The following UBE3B variants were observed in gnomAD, a reference collection of about 807,000 sequenced individuals.
UBE3B encodes the protein ubiquitin protein ligase E3B, also known as ubiquitin-protein ligase E3B.
A neutral mutation model predicts 132.3 loss-of-function variants in UBE3B; 80 were observed. That is an observed-to-expected ratio of 0.60 (90% CI 0.50 to 0.73). The LOEUF (loss-of-function observed/expected upper bound fraction) is 0.73. UBE3B is among the 30% of genes least tolerant of loss of function. The pLI is 0.00. For missense variants in UBE3B, 1,196 were observed against 1,362.5 expected (o/e 0.88, Z 1.92); for synonymous variants, 487 against 520.4 (o/e 0.94, Z 0.87).
At chr12:109,490,817 G>GT (rs1877350222) in intron 8 of UBE3B, 21 of 1,261,126 alleles carry the variant, frequency 1.7e-5, no homozygotes, top group Middle Eastern at 2.9e-4. Context: ...TTGTTTTTTT[G>GT]TTTTTTTGTT....
chr12:109,486,577 TAACAAAAAAA>T lies in UBE3B; in HGVS notation c.447+5_447+14del. On this transcript the variant is annotated splice_donor_5th_base_variant and intron_variant, in intron 6 of 27. Transcript: ENST00000342494. ...TGTGATTTTCTCAAGCAGCTCAAGG[TAACAAAAAAA>T]AAAAAAAAAAAAAAAAGCAAAACCA... 2 of 657,006 alleles carry T rather than the reference TAACAAAAAAA, an allele frequency of 3.0e-6. No individual in the cohort carries two copies. Among genetic ancestry groups the T allele is most frequent in the Non-Finnish European group, 3.9e-6 (2 of 509,218 alleles). The allele number at this position is 657,006 out of a possible 1,614,324, so 40.7% of individuals were successfully genotyped here.
At position 109,524,509 on chromosome 12, in the gene UBE3B, T is replaced by G. The variant is rs1277472734; in HGVS notation, c.2568+6T>G. 5.6e-6 allele frequency: 9 copies of G among 1,613,746 alleles called. No homozygotes were observed. Among genetic ancestry groups the G allele is most frequent in the Non-Finnish European group, 6.8e-6 (8 of 1,179,702 alleles). On this transcript the variant is annotated splice_donor_region_variant and intron_variant, in intron 23 of 27. Coordinates refer to ENST00000342494, the MANE Select transcript of UBE3B (RefSeq NM_130466.4). ...ACGAGGACGTCATGGGTCAGGTAGGTCCGCCCTTTGGCTGAGCTCCCTTTC... is the reference window on the plus strand; with the variant it reads ...ACGAGGACGTCATGGGTCAGGTAGGGCCGCCCTTTGGCTGAGCTCCCTTTC...
intron 24 of UBE3B, among the ~76,000 whole-genome samples, chr12:109,529,215 G>A (rs1882701532): frequency 2.0e-5 from 3 of 152,156 alleles, no homozygotes; most frequent in Admixed American, 1.3e-4. Context: ...CAAGCCTGTT[G>A]GAATGTATGT....
At chr12:109,510,236 G>A in intron 16 of UBE3B, 108 bp from the exon 17 acceptor site, 1 of 874,222 alleles carries the variant, frequency 1.1e-6, no homozygotes, top group Non-Finnish European at 1.8e-6. Flanking sequence ...ATAATTCAGA[G>A]CGAGGGAGAT....
rs1024489356 is a variant in UBE3B at position 109,511,968 on chromosome 12, A to C, written c.1956+665A>C. Among the ~76,000 whole-genome samples the C allele has an allele frequency of 9.8e-5, 15 of 152,294 alleles. 1 individual carries two copies. The highest frequency in any genetic ancestry group is 4.6e-4 in the Admixed American group (7 of 15,302). On this transcript the variant is annotated intron_variant, in intron 18 of 27. Coordinates refer to ENST00000342494, the MANE Select transcript of UBE3B (RefSeq NM_130466.4). ...AGAGAATGGTCACATCCCAAGGGGAAAGAAAGGAAGAATTCAGGTGATGCT... is the reference window on the plus strand; with the variant it reads ...AGAGAATGGTCACATCCCAAGGGGACAGAAAGGAAGAATTCAGGTGATGCT...
Position 109,511,226 on chromosome 12 carries a change from T to G in UBE3B, c.1879T>G (p.Phe627Val). 6.2e-7 allele frequency: 1 copy of G among 1,614,162 alleles called. No individual in the cohort carries two copies. Among genetic ancestry groups the G allele is most frequent in the Non-Finnish European group, 8.5e-7 (1 of 1,180,012 alleles). The stretch of plus-strand genomic sequence containing the variant: ...AAGGGATCTCAAACCTAGCGTGCTC[T>G]TCCAAGAACTCGACAGGGACAGAAA... ...LRKDLKPSVL[F>V]QELDRDRKRA... The change falls in exon 18 of 28, where the codon TTC becomes GTC. Residue 627 changes from phenylalanine (F) to valine (V), a missense_variant. Physicochemically the swap from Phe to Val is conservative, Grantham distance 50. Coordinates refer to ENST00000342494, the MANE Select transcript of UBE3B (RefSeq NM_130466.4).
chr12:109,481,649 G>A lies in UBE3B; in HGVS notation c.-115G>A, dbSNP rs1425562194. 6.6e-6 allele frequency: 1 copy of A among 152,218 alleles called. No homozygotes were observed. Among genetic ancestry groups the A allele is most frequent in the South Asian group, 2.1e-4 (1 of 4,828 alleles). The allele number at this position is 152,218 out of a possible 1,614,324, so 9.4% of individuals were successfully genotyped here. On this transcript the variant is annotated 5_prime_UTR_variant, in exon 2 of 28. Transcript: ENST00000342494. ...CTGCTTCTGCCAGAAAAAATAACAA[G>A]CTTTTCTGAAGTGAGAAGCTGTTCT...
intron 15 of UBE3B, 172 bp from the exon 16 acceptor site, chr12:109,509,424 C>T: frequency 1.0e-5 from 5 of 500,224 alleles, no homozygotes; most frequent in East Asian, 3.4e-5. Context: ...CCTCCCCTTT[C>T]CCCCTACCCC....
rs1042436530 is a variant in UBE3B at position 109,534,786 on chromosome 12, C to G, written c.*4C>G. ...CACGGGCTTTGAACTCTCCTAGCTC[C>G]TGTCCCAGCCCTGCCTCCAGGGCTC... On this transcript the variant is annotated 3_prime_UTR_variant, in exon 28 of 28. Coordinates refer to ENST00000342494, the MANE Select transcript of UBE3B (RefSeq NM_130466.4). This position sits in a 1 kb window ranked among gnomAD's most constrained non-coding sequence, Gnocchi z 5.2. The G allele has an allele frequency of 6.6e-7, 1 of 1,505,546 alleles. No individual in the cohort carries two copies. Among genetic ancestry groups the G allele is most frequent in the Non-Finnish European group, 8.9e-7 (1 of 1,125,162 alleles). The allele number at this position is 1,505,546 out of a possible 1,614,324, so 93.3% of individuals were successfully genotyped here. A position where few individuals can be genotyped will look rare whatever the true frequency, so the allele number is the denominator to read the frequency against.
At chr12:109,499,862 C>T in intron 12 of UBE3B, 52 bp downstream of exon 12, 1 of 1,430,598 alleles carries the variant, frequency 7.0e-7, no homozygotes, top group South Asian at 1.6e-5. Flanking sequence ...CCACCATCTT[C>T]TTCTTCCTTC....
intron 1 of UBE3B, among the ~76,000 whole-genome samples, chr12:109,479,267 A>G (rs565481454): frequency 5.9e-5 from 9 of 152,146 alleles, no homozygotes; most frequent in Admixed American, 2.0e-4. Context: ...GGACAATACA[A>G]TAAAGCTCAC....
At chr12:109,502,081 A>T (rs1386686265) in intron 13 of UBE3B, among the ~76,000 whole-genome samples, 1 of 152,216 alleles carries the variant, frequency 6.6e-6, no homozygotes, top group Non-Finnish European at 1.5e-5. Flanking sequence ...AGGTGAACAC[A>T]ATCAAGATTG....
chr12:109,505,921 G>A (rs1879604960), intron 14 of UBE3B, among the ~76,000 whole-genome samples: 1 of 152,204 alleles, frequency 6.6e-6, no homozygotes, highest in Admixed American at 6.5e-5. Context: ...TATACAAGGT[G>A]ACTGTGCTTT....
At chr12:109,490,927 G>A (rs544436828) in intron 8 of UBE3B, 118 bp from the exon 9 acceptor site, 219 of 1,196,072 alleles carry the variant, frequency 1.8e-4, no homozygotes, top group Non-Finnish European at 2.3e-6. Context: ...AAGCCACCAT[G>A]CCTGGCTCAC....
chr12:109,513,597 G>A (rs191288751), intron 18 of UBE3B, among the ~76,000 whole-genome samples: 3 of 152,144 alleles, frequency 2.0e-5, no homozygotes, highest in South Asian at 2.1e-4. Context: ...AAAAGTTACT[G>A]CAGTGATAGA....
At chr12:109,525,695 G>T (rs924348508) in intron 23 of UBE3B, among the ~76,000 whole-genome samples, 2 of 152,122 alleles carry the variant, frequency 1.3e-5, no homozygotes, top group African/African-American at 2.4e-5. Flanking sequence ...AGATGTTGAG[G>T]CTTTATCCTG....
chr12:109,497,310 A>G (rs529496924), intron 9 of UBE3B, among the ~76,000 whole-genome samples: 1 of 151,958 alleles, frequency 6.6e-6, no homozygotes, highest in South Asian at 2.1e-4. Flanking sequence ...TATATATAGT[A>G]TACATACTAT....
chr12:109,544,339 G>A, the UBE3B span, among the ~76,000 whole-genome samples: 1 of 139,392 alleles, frequency 7.2e-6, no homozygotes, highest in East Asian at 2.4e-4. Context: ...GGACTGGAAT[G>A]TTCTAGAGGT....
At chr12:109,532,500 G>A (rs1052883981) in intron 26 of UBE3B, among the ~76,000 whole-genome samples, 4 of 152,182 alleles carry the variant, frequency 2.6e-5, no homozygotes, top group South Asian at 4.1e-4. Context: ...GAGTTTTGGA[G>A]GACAGCTTGA....
Sources: gnomAD v4.1 joint callset for allele counts (sites outside exome capture counted in the v4.1 genomes callset) on GRCh38, gnomAD v4.1.1 for gene constraint, Gnocchi (gnomAD v3.1) non-coding constraint, MANE v1.5 for transcripts, NCBI Gene and HGNC (gene_info 2026-07-23, HGNC 2026-07-21) for gene names.